PCLO: variants seen among roughly 807,000 people sequenced by gnomAD.
The protein encoded by PCLO is piccolo presynaptic cytomatrix protein, also known as protein piccolo.
In PCLO, 82 loss-of-function variants were observed where a neutral mutation model predicts 427.5. That is an observed-to-expected ratio of 0.19 (90% CI 0.16 to 0.23). The LOEUF is 0.23. PCLO is among the 10% of genes least tolerant of loss of function. The pLI is 1.00. For missense variants in PCLO, 6,239 were observed against 6,115.9 expected, an observed-to-expected ratio of 1.02 and a Z score of -0.67; for synonymous variants, 2,357 against 2,155.4, an observed-to-expected ratio of 1.09 and a Z score of -2.59.
chr7:82,953,429 A>T lies in PCLO; in HGVS notation c.7524T>A (p.Pro2508=), dbSNP rs1484168536. The T allele has an allele frequency of 6.2e-7, 1 of 1,613,252 alleles. No homozygotes were observed. Among genetic ancestry groups the T allele is most frequent in the Non-Finnish European group, 8.5e-7 (1 of 1,179,754 alleles). ...GAATCACTGGTTTGGGGGCGATTGG[A>T]GGTTTGCTTGGCTCAGGCCTGTGGG... ...VFTHRPEPSK[P]PIAPKPVIPQ... Residue 2508 remains proline (P), a synonymous_variant, in exon 5 of 25, where the codon CCT becomes CCA. Transcript: ENST00000333891.
intron 22 of PCLO, among the ~76,000 whole-genome samples, chr7:82,793,462 A>C (rs1028959947): frequency 1.3e-5 from 2 of 152,148 alleles, no homozygotes; most frequent in African/African-American, 4.8e-5. Context: ...GCTTGGTCAC[A>C]GTGTATACCA....
At chr7:83,029,990 T>C (rs1021412721) in intron 3 of PCLO, among the ~76,000 whole-genome samples, 4 of 138,252 alleles carry the variant, frequency 2.9e-5, no homozygotes, top group Admixed American at 7.2e-5. Context: ...AGGGATAGCA[T>C]TGGGAGATAT....
At chr7:83,040,581 C>T (rs1788949077) in intron 3 of PCLO, among the ~76,000 whole-genome samples, 1 of 151,954 alleles carries the variant, frequency 6.6e-6, no homozygotes, top group Admixed American at 6.6e-5. Context: ...GCTGTCTCTT[C>T]CCCAGTTAAT....
In PCLO at chr7:82,916,682, T is replaced by C. The variant is rs1363947693; in HGVS notation, c.11304A>G (p.Arg3768=). 1 of 1,613,522 alleles carries C rather than the reference T, an allele frequency of 6.2e-7. No homozygotes were observed. The highest frequency in any genetic ancestry group is 8.5e-7 in the Non-Finnish European group (1 of 1,179,710). The change falls in exon 7 of 25, where the codon AGA becomes AGG. Residue 3768 remains arginine, a synonymous_variant. Transcript: ENST00000333891. The part of the protein sequence containing the change: ...ARAKILQDID[R]ELDLVERESA... ...ACTCCCTTTCCACAAGATCAAGCTCTCTGTCTATGTCCTGGAGAATCTTGG... is the reference window on the plus strand; with the variant it reads ...ACTCCCTTTCCACAAGATCAAGCTCCCTGTCTATGTCCTGGAGAATCTTGG...
At position 82,955,488 on chromosome 7, in the gene PCLO, C is replaced by T. The variant is rs755205538; in HGVS notation, c.5465G>A (p.Arg1822Lys). The change falls in exon 5 of 25, where the codon AGG becomes AAG. Residue 1822 changes from arginine to lysine, a missense_variant. Arg to Lys is a conservative substitution (Grantham distance 26, BLOSUM62 2). Around this residue, in one of 5 missense-constraint regions of PCLO, gnomAD observed 4,677 missense variants for 4,468.4 expected, o/e 1.05. Transcript: ENST00000333891. ...DELRAQRRRE[R>K]PKTPPSNLSP... ...GAGATTACTAGGTGGTGTCTTTGGC[C>T]TTTCCCTTCTTCTCTGAGCTCGAAG... 6.8e-6 allele frequency: 11 copies of T among 1,613,556 alleles called. No homozygotes were observed. The highest frequency in any genetic ancestry group is 2.7e-5 in the African/African-American group (2 of 74,866).
Position 83,135,660 on chromosome 7 carries a change from CAAAT to C in PCLO, c.1894-8_1894-5del. On this transcript the variant is annotated splice_region_variant and splice_polypyrimidine_tract_variant and intron_variant, in intron 2 of 24. Coordinates refer to ENST00000333891, the MANE Select transcript of PCLO (RefSeq NM_033026.6). ...TCAAACAGAGCCACTCTTTTACCTA[CAAAT>C]AATATAAAACAATGGTCACCGAGAC... 1 of 1,554,964 alleles carries C rather than the reference CAAAT, an allele frequency of 6.4e-7. No homozygotes were observed. Among genetic ancestry groups the C allele is most frequent in the South Asian group, 1.2e-5 (1 of 84,602 alleles).
At chr7:82,809,432 C>G (rs999670534) in intron 20 of PCLO, among the ~76,000 whole-genome samples, 8 of 151,626 alleles carry the variant, frequency 5.3e-5, no homozygotes, top group Non-Finnish European at 1.2e-4. Context: ...CAGAAATCAC[C>G]TGCTTCATGC....
intron 3 of PCLO, among the ~76,000 whole-genome samples, chr7:83,024,485 C>T (rs371896069): frequency 6.6e-6 from 1 of 152,154 alleles, no homozygotes; most frequent in Non-Finnish European, 1.5e-5. Flanking sequence ...ATTGCTAGCA[C>T]GGCAGTCTGA....
rs532389632 is a variant in PCLO at position 82,826,619 on chromosome 7, A to G, written c.14385T>C (p.Asp4795=). The change falls in exon 18 of 25, where the codon GAT becomes GAC. Residue 4795 remains aspartate, a synonymous_variant. Transcript: ENST00000333891. Reference sequence around the variant, plus strand: ...CAAGGAAGTCGTTGGATGAAAATCTATCATAATCCCAAACTGTCACCTCCA... The same window carrying G: ...CAAGGAAGTCGTTGGATGAAAATCTGTCATAATCCCAAACTGTCACCTCCA... The part of the protein sequence containing the change: ...KTLEVTVWDY[D]RFSSNDFLGE... 19 of 1,608,206 alleles carry G rather than the reference A, an allele frequency of 1.2e-5. No homozygotes were observed. Among genetic ancestry groups the G allele is most frequent in the African/African-American group, 1.3e-5 (1 of 74,880 alleles).
rs1204624261 is a variant in PCLO, at chr7:82,916,412, A to C, written c.11574T>G (p.Thr3858=). 6.2e-7 allele frequency: 1 copy of C among 1,613,520 alleles called. No individual in the cohort carries two copies. Among genetic ancestry groups the C allele is most frequent in the Non-Finnish European group, 8.5e-7 (1 of 1,179,760 alleles). Residue 3858 remains threonine, a synonymous_variant, in exon 7 of 25, where the codon ACT becomes ACG. Transcript: ENST00000333891. The part of the protein sequence containing the change: ...ESQHGIERPR[T]APQTEFSQFI... ...ACTGGCTGAATTCAGTTTGGGGAGCAGTTCTTGGTCGCTCAATGCCATGCT... is the reference window on the plus strand; with the variant it reads ...ACTGGCTGAATTCAGTTTGGGGAGCCGTTCTTGGTCGCTCAATGCCATGCT...
intron 3 of PCLO, among the ~76,000 whole-genome samples, chr7:83,032,907 A>C (rs1419577513): frequency 6.6e-6 from 1 of 152,020 alleles, no homozygotes; most frequent in African/African-American, 2.4e-5. Context: ...TCTCATCTCG[A>C]ATTGTAATCC....
intron 10 of PCLO, among the ~76,000 whole-genome samples, chr7:82,850,144 G>T (rs777250518): frequency 6.6e-6 from 1 of 152,012 alleles, no homozygotes; most frequent in African/African-American, 2.4e-5. Flanking sequence ...GAGTAGCTGG[G>T]ATTACAGGCA....
intron 3 of PCLO, among the ~76,000 whole-genome samples, chr7:82,995,538 G>C (rs375596821): frequency 1.3e-5 from 2 of 152,076 alleles, no homozygotes; most frequent in East Asian, 1.9e-4. Context: ...GCTCTTCTGA[G>C]AAATCTAGCG....
chr7:82,761,914 G>A (rs1393348824), intron 22 of PCLO, among the ~76,000 whole-genome samples: 1 of 149,870 alleles, frequency 6.7e-6, no homozygotes, highest in Non-Finnish European at 1.5e-5. Flanking sequence ...TAGGACAAAA[G>A]AAGTAATAGA....
At chr7:83,044,318 A>T (rs1789051746) in intron 3 of PCLO, among the ~76,000 whole-genome samples, 1 of 152,138 alleles carries the variant, frequency 6.6e-6, no homozygotes. Context: ...ACAGAGCCAA[A>T]CCATATCATC....
chr7:82,776,206 T>C (rs188884863), intron 22 of PCLO, among the ~76,000 whole-genome samples: 2 of 152,354 alleles, frequency 1.3e-5, no homozygotes, highest in African/African-American at 2.4e-5. Context: ...AAACCAATAC[T>C]ACGTTAAATA....
intron 2 of PCLO, among the ~76,000 whole-genome samples, chr7:83,152,226 A>G (rs1792155992): frequency 6.6e-6 from 1 of 151,612 alleles, no homozygotes. Context: ...GGCCTCCCAA[A>G]GTGCTGGGAT....
At chr7:82,775,585 G>C (rs1790732747) in intron 22 of PCLO, among the ~76,000 whole-genome samples, 1 of 152,144 alleles carries the variant, frequency 6.6e-6, no homozygotes, top group African/African-American at 2.4e-5. Context: ...TTTGTTGTTT[G>C]CATTCCTTAA....
intron 3 of PCLO, among the ~76,000 whole-genome samples, chr7:82,978,859 C>CAT (rs1323354512): frequency 6.1e-5 from 1 of 16,376 alleles, no homozygotes; most frequent in Non-Finnish European, 2.8e-4. Context: ...CACACACAAA[C>CAT]ACACACACAC....
Sources: gnomAD v4.1 joint callset for allele counts (sites outside exome capture counted in the v4.1 genomes callset) on GRCh38, gnomAD v4.1.1 for gene constraint, gnomAD v4.1.1 regional missense constraint, MANE v1.5 for transcripts, NCBI Gene and HGNC (gene_info 2026-07-23, HGNC 2026-07-21) for gene names.